DAB1: variants seen among roughly 807,000 people sequenced by gnomAD.
DAB1 encodes DAB adaptor protein 1.
In DAB1, 15 loss-of-function variants were observed where a neutral mutation model predicts 64.6. The observed-to-expected ratio is 0.23, with a 90% CI of 0.16 to 0.36. The LOEUF (loss-of-function observed/expected upper bound fraction) is 0.36. Among genes scored for constraint, DAB1 ranks in the 10% least tolerant of loss-of-function variants. The probability of loss-of-function intolerance (pLI) is 1.00; values close to 1 mark genes in which losing one functional copy is unlikely to be tolerated. For missense variants in DAB1, 596 were observed against 706.7 expected (o/e 0.84, Z 1.78); for synonymous variants, 235 against 251.9 (o/e 0.93, Z 0.64).
chr1:57,512,412 CAAAGA>C (rs1644416111), intron 7 of DAB1, among the ~76,000 whole-genome samples: 1 of 151,980 alleles, frequency 6.6e-6, no homozygotes, highest in Non-Finnish European at 1.5e-5. Flanking sequence ...AGGAAGAGAA[CAAAGA>C]AAAGAAATCT....
chr1:58,345,198 C>T (rs1038665947), intron 3 of DAB1, among the ~76,000 whole-genome samples: 1 of 152,206 alleles, frequency 6.6e-6, no homozygotes, highest in Non-Finnish European at 1.5e-5. Flanking sequence ...CCCTCCCAGA[C>T]CTTAGCCTAC....
chr1:57,753,821 A>C (rs752237339), intron 6 of DAB1, among the ~76,000 whole-genome samples: 1 of 152,242 alleles, frequency 6.6e-6, no homozygotes, highest in Non-Finnish European at 1.5e-5. Context: ...TAAATGGCAG[A>C]GTCGGCATTT....
At chr1:57,283,986 G>A (rs940143957) in intron 2 of DAB1, among the ~76,000 whole-genome samples, 19 of 152,078 alleles carry the variant, frequency 1.2e-4, no homozygotes, top group African/African-American at 4.3e-4. Flanking sequence ...GGTTATTCAC[G>A]TTTTAATGTA....
chr1:57,615,881 T>A (rs1645785907), intron 7 of DAB1, among the ~76,000 whole-genome samples: 1 of 152,212 alleles, frequency 6.6e-6, no homozygotes, highest in Admixed American at 6.5e-5. Context: ...GTCATGTTCC[T>A]ACAGGAAGTT....
At chr1:57,126,964 C>A (rs1657180471) in intron 4 of DAB1, among the ~76,000 whole-genome samples, 1 of 152,190 alleles carries the variant, frequency 6.6e-6, no homozygotes, top group Non-Finnish European at 1.5e-5. Context: ...TTACTGTAAC[C>A]AGAACTATGA....
chr1:57,819,047 T>C (rs924171184), intron 6 of DAB1, among the ~76,000 whole-genome samples: 2 of 152,212 alleles, frequency 1.3e-5, no homozygotes, highest in Admixed American at 6.5e-5. Flanking sequence ...CCCTCCCTTC[T>C]TCTATCCCCA....
intron 1 of DAB1, among the ~76,000 whole-genome samples, chr1:57,413,743 C>CAAAAAAAAAA (rs58388088): frequency 4.7e-5 from 3 of 64,508 alleles, no homozygotes; most frequent in African/African-American, 1.5e-4. Flanking sequence ...GACTCTGTCT[C>CAAAAAAAAAA]AAAAAAAAAA....
At chr1:58,298,329 A>T (rs1662038781) in intron 4 of DAB1, among the ~76,000 whole-genome samples, 1 of 152,142 alleles carries the variant, frequency 6.6e-6, no homozygotes, top group Non-Finnish European at 1.5e-5. Flanking sequence ...CACTGTCTTT[A>T]CTTTACTTTC....
upstream of DAB1, among the ~76,000 whole-genome samples, chr1:57,425,998 G>A (rs1339782669): frequency 6.6e-6 from 1 of 152,176 alleles, no homozygotes. Context: ...AATCTGAGAA[G>A]ACATGGTCGA....
Position 58,493,306 on chromosome 1 carries a change from T to G in DAB1, n.257+12754A>C, listed in dbSNP as rs576591143. ...CTATTTATGACAAACTCACAGCCAATATCATACTGAATGGGCAAAAATTGG... is the reference window on the plus strand; with the variant it reads ...CTATTTATGACAAACTCACAGCCAAGATCATACTGAATGGGCAAAAATTGG... On this transcript the variant is annotated intron_variant and non_coding_transcript_variant, in intron 3 of 20. Coordinates refer to the DAB1 transcript ENST00000485760. Among the ~76,000 whole-genome samples the G allele has an allele frequency of 2.6e-5, 4 of 152,322 alleles. No individual in the cohort carries two copies. The South Asian group carries it at 8.3e-4, about 32-fold the overall frequency.
chr1:58,055,031 T>C (rs1477656688), intron 5 of DAB1, among the ~76,000 whole-genome samples: 3 of 152,238 alleles, frequency 2.0e-5, no homozygotes, highest in Non-Finnish European at 4.4e-5. Context: ...TTTTCAAAGC[T>C]ATACCATAAC....
At chr1:57,498,015 T>C (rs1202348873) in intron 7 of DAB1, among the ~76,000 whole-genome samples, 1 of 152,136 alleles carries the variant, frequency 6.6e-6, no homozygotes, top group East Asian at 1.9e-4. Flanking sequence ...AGGGTGGAGA[T>C]AGAGCAAGTG....
chr1:58,221,498 C>T (rs901257687), intron 4 of DAB1, among the ~76,000 whole-genome samples: 10 of 152,220 alleles, frequency 6.6e-5, no homozygotes, highest in Non-Finnish European at 1.2e-4. Flanking sequence ...ATCACACTGC[C>T]ATAGCCTCCG....
intron 1 of DAB1, among the ~76,000 whole-genome samples, chr1:58,537,088 A>G (rs370930355): frequency 2.0e-4 from 27 of 137,842 alleles, no homozygotes; most frequent in Non-Finnish European, 3.2e-4. Context: ...CTCTCTCTGT[A>G]TATATATATA....
intron 4 of DAB1, among the ~76,000 whole-genome samples, chr1:58,302,162 T>A (rs1662187239): frequency 6.6e-6 from 1 of 152,098 alleles, no homozygotes; most frequent in Non-Finnish European, 1.5e-5. Flanking sequence ...CAGGTGACAT[T>A]GAAAATGTCA....
At chr1:57,344,446 G>T in intron 1 of DAB1, among the ~76,000 whole-genome samples, 1 of 152,140 alleles carries the variant, frequency 6.6e-6, no homozygotes, top group Non-Finnish European at 1.5e-5. Flanking sequence ...AACTGTGAAA[G>T]CTAATTTAAA....
rs79211131 is a variant in DAB1, at chr1:57,092,539, C to T, written c.307-20125G>A. Among the ~76,000 whole-genome samples, 885 of 152,120 alleles carry T rather than the reference C, an allele frequency of 5.8e-3. 11 individuals are homozygous for T. The highest frequency in any genetic ancestry group is 0.02 in the African/African-American group (834 of 41,508). On this transcript the variant is annotated intron_variant, in intron 4 of 14. Transcript: ENST00000371236. ...GAAGACGGTACTTGCTTCTTCTTAG[C>T]CTTCTACCACAATTTTAAGTTTCCT...
At chr1:57,474,506 T>A (rs1643910976) in intron 7 of DAB1, among the ~76,000 whole-genome samples, 1 of 152,254 alleles carries the variant, frequency 6.6e-6, no homozygotes, top group South Asian at 2.1e-4. Flanking sequence ...AAGTATGATT[T>A]ACATTTCCTG....
intron 2 of DAB1, among the ~76,000 whole-genome samples, chr1:57,206,909 A>G (rs1665584792): frequency 6.6e-6 from 1 of 151,252 alleles, no homozygotes; most frequent in Non-Finnish European, 1.5e-5. Context: ...AGACACTTAA[A>G]TGACAAACAC....
Sources: allele counts gnomAD v4.1 joint callset (sites outside exome capture counted in the v4.1 genomes callset), GRCh38; gene constraint gnomAD v4.1.1; transcripts MANE v1.5; gene names NCBI Gene and HGNC (gene_info 2026-07-23, HGNC 2026-07-21).